Variants in EPHA3 observed in about 807,000 individuals in gnomAD.
The protein encoded by EPHA3 is ephrin type-A receptor 3.
Under a neutral mutation model 107.1 loss-of-function variants are expected in EPHA3, and 42 were observed. The observed-to-expected ratio is 0.39, with a 90% CI of 0.31 to 0.51. The LOEUF is 0.51. Ranked by LOEUF, EPHA3 falls within the 20% of genes least tolerant of loss-of-function variation. The pLI is 0.78. For synonymous variants in EPHA3, 461 were observed against 424.8 expected (o/e 1.09, Z -1.05); for missense variants, 1,183 against 1,211.2 (o/e 0.98, Z 0.35).
At chr3:89,221,736 C>T (rs1197351095) in intron 3 of EPHA3, among the ~76,000 whole-genome samples, 1 of 151,958 alleles carries the variant, frequency 6.6e-6, no homozygotes, top group Non-Finnish European at 1.5e-5. Flanking sequence ...CTAATTTGAC[C>T]AGTGTCACAA....
chr3:89,477,566 A>G (rs1710541757), intron 16 of EPHA3, among the ~76,000 whole-genome samples: 1 of 151,842 alleles, frequency 6.6e-6, no homozygotes, highest in Admixed American at 6.6e-5. Context: ...TTGAATTCCC[A>G]ATTTTTTCTT....
At chr3:89,162,019 T>G (rs1187644945) in intron 2 of EPHA3, among the ~76,000 whole-genome samples, 1 of 150,788 alleles carries the variant, frequency 6.6e-6, no homozygotes. Context: ...TAAATAATAA[T>G]AAATAATAAA....
At chr3:89,457,388 A>G (rs997499960) in intron 15 of EPHA3, among the ~76,000 whole-genome samples, 1 of 152,204 alleles carries the variant, frequency 6.6e-6, no homozygotes, top group African/African-American at 2.4e-5. Flanking sequence ...TTACCGCCTG[A>G]GCTCTACTTA....
intron 2 of EPHA3, among the ~76,000 whole-genome samples, chr3:89,153,586 C>A (rs1206293112): frequency 6.6e-6 from 1 of 151,978 alleles, no homozygotes; most frequent in Non-Finnish European, 1.5e-5. Context: ...GGTGGCAATT[C>A]TTGTTGACTT....
intron 8 of EPHA3, 82 bp downstream of exon 8, chr3:89,407,453 G>T (rs1283563846): frequency 1.8e-6 from 2 of 1,101,202 alleles, no homozygotes; most frequent in South Asian, 2.7e-5. Context: ...TGTGAAGAGT[G>T]TGCTCAATAA....
At chr3:89,430,932 A>T (rs890814388) in intron 12 of EPHA3, among the ~76,000 whole-genome samples, 2 of 152,136 alleles carry the variant, frequency 1.3e-5, no homozygotes, top group Non-Finnish European at 2.9e-5. Flanking sequence ...AAGAACGTTA[A>T]GATACTTCCT....
At chr3:89,256,869 T>C (rs1440266644) in intron 3 of EPHA3, among the ~76,000 whole-genome samples, 2 of 152,180 alleles carry the variant, frequency 1.3e-5, no homozygotes, top group Non-Finnish European at 2.9e-5. Context: ...TCTGAATCTA[T>C]AGGAATCTTA....
chr3:89,134,458 A>G (rs1704271004), intron 2 of EPHA3, among the ~76,000 whole-genome samples: 1 of 151,924 alleles, frequency 6.6e-6, no homozygotes, highest in Admixed American at 6.6e-5. Flanking sequence ...ATGAGTGAGA[A>G]CGTGCGATGT....
intron 11 of EPHA3, among the ~76,000 whole-genome samples, chr3:89,422,598 T>TTACATAAGAATATATTAAG (rs1709372846): frequency 6.6e-6 from 1 of 151,470 alleles, no homozygotes; most frequent in Admixed American, 6.6e-5. Context: ...TCAAATGAGA[T>TTACATAAGAATATATTAAG]TACATAAGAA....
At chr3:89,261,087 A>G (rs893184639) in intron 3 of EPHA3, among the ~76,000 whole-genome samples, 4 of 152,220 alleles carry the variant, frequency 2.6e-5, no homozygotes, top group African/African-American at 9.6e-5. Flanking sequence ...GTTTGCTAGC[A>G]GATGATGAGA....
At chr3:89,358,946 C>A (rs1708025842) in intron 5 of EPHA3, among the ~76,000 whole-genome samples, 1 of 151,000 alleles carries the variant, frequency 6.6e-6, no homozygotes, top group South Asian at 2.1e-4. Flanking sequence ...AACAATGGGA[C>A]AAGAGCAAAT....
chr3:89,237,822 A>T (rs868562058), intron 3 of EPHA3, among the ~76,000 whole-genome samples: 15 of 152,020 alleles, frequency 9.9e-5, no homozygotes, highest in Middle Eastern at 3.4e-3. Context: ...AACAAAATTT[A>T]AAAAAAATTA....
intron 13 of EPHA3, among the ~76,000 whole-genome samples, chr3:89,445,134 C>A (rs562562360): frequency 6.6e-6 from 1 of 151,992 alleles, no homozygotes; most frequent in African/African-American, 2.4e-5. Context: ...GGCTTGGTGG[C>A]GCACACCTCT....
At chr3:89,307,389 C>T (rs146362289) in intron 3 of EPHA3, among the ~76,000 whole-genome samples, 38 of 152,158 alleles carry the variant, frequency 2.5e-4, no homozygotes, top group Middle Eastern at 3.4e-3. Flanking sequence ...TAAAAAAAGA[C>T]GAAGTCTGAA....
chr3:89,405,123 A>G (rs923821462), intron 7 of EPHA3, among the ~76,000 whole-genome samples: 7 of 152,118 alleles, frequency 4.6e-5, no homozygotes, highest in African/African-American at 1.7e-4. Context: ...AGAACCTCAG[A>G]CTGAGATGTA....
At chr3:89,238,197 A>C (rs1417219316) in intron 3 of EPHA3, among the ~76,000 whole-genome samples, 2 of 152,172 alleles carry the variant, frequency 1.3e-5, no homozygotes, top group Non-Finnish European at 2.9e-5. Context: ...AACATTAAGA[A>C]AAGTATATTT....
chr3:89,182,462 T>G (rs1168647675), intron 2 of EPHA3, among the ~76,000 whole-genome samples: 1 of 151,968 alleles, frequency 6.6e-6, no homozygotes, highest in African/African-American at 2.4e-5. Flanking sequence ...TTTTATAGTC[T>G]GAATAGATTC....
chr3:89,280,504 T>C (rs1705916133), intron 3 of EPHA3, among the ~76,000 whole-genome samples: 1 of 152,208 alleles, frequency 6.6e-6, no homozygotes, highest in Admixed American at 6.5e-5. Context: ...GATGTTTCTA[T>C]TCTCATTGAT....
At chr3:89,296,676 G>C (rs556020158) in intron 3 of EPHA3, among the ~76,000 whole-genome samples, 41 of 152,240 alleles carry the variant, frequency 2.7e-4, no homozygotes, top group African/African-American at 7.7e-4. Flanking sequence ...ACCAGCTGTT[G>C]CATTAGCTTC....
Sources: gnomAD v4.1 joint callset for allele counts (sites outside exome capture counted in the v4.1 genomes callset) on GRCh38, gnomAD v4.1.1 for gene constraint, MANE v1.5 for transcripts, NCBI Gene and HGNC (gene_info 2026-07-23, HGNC 2026-07-21) for gene names.